The following EDA variants were observed in gnomAD, a reference collection of about 807,000 sequenced individuals.
The protein encoded by EDA is ectodysplasin-A.
In EDA, 2 loss-of-function variants were observed where a neutral mutation model predicts 23.6. That is an observed-to-expected ratio of 0.08 (90% CI 0.03 to 0.27). The LOEUF is 0.27. Ranked by LOEUF, EDA falls within the 10% of genes least tolerant of loss-of-function variation. The pLI, the probability that EDA is intolerant of heterozygous loss-of-function variation, is 1.00. For missense variants in EDA, 229 were observed against 324.2 expected (o/e 0.71, Z 2.26); for synonymous variants, 131 against 132.0 (o/e 0.99, Z 0.05).
At chrX:69,681,033 T>C (rs1000857891) in intron 1 of EDA, among the ~76,000 whole-genome samples, 3 of 109,782 alleles carry the variant, frequency 2.7e-5, no homozygotes, top group Non-Finnish European at 5.7e-5. Context: ...ACAAAATCTC[T>C]CAGCATTTGC....
intron 2 of EDA, among the ~76,000 whole-genome samples, chrX:69,987,300 ATTTTTTT>A (rs1276715288): frequency 2.4e-5 from 2 of 83,015 alleles, no homozygotes; most frequent in African/African-American, 1.1e-4. Flanking sequence ...AAAAAAAAAA[ATTTTTTT>A]TTTTAAAAAT....
intron 1 of EDA, among the ~76,000 whole-genome samples, chrX:69,748,563 A>T (rs2804374): frequency 0.31 from 33,791 of 110,667 alleles, 4,886 homozygotes; most frequent in Middle Eastern, 0.56. Context: ...TTTTAAAAAA[A>T]GAAAAAAGAA....
At chrX:69,782,045 G>A (rs1319609616) in intron 1 of EDA, among the ~76,000 whole-genome samples, 1 of 109,629 alleles carries the variant, frequency 9.1e-6, no homozygotes, top group African/African-American at 3.3e-5. Context: ...GGAGGATACG[G>A]CAGGTGCTAA....
intron 1 of EDA, among the ~76,000 whole-genome samples, chrX:69,771,120 G>A (rs1245682372): frequency 2.7e-5 from 3 of 110,533 alleles, no homozygotes; most frequent in Admixed American, 9.7e-5. Context: ...GCAGCAGCAC[G>A]ATCTCAGCTC....
chrX:69,707,487 A>G (rs2011775098), intron 1 of EDA, among the ~76,000 whole-genome samples: 1 of 111,881 alleles, frequency 8.9e-6, no homozygotes, highest in African/African-American at 3.2e-5. Context: ...ATAAAGTCAG[A>G]CATCTCAGAG....
chrX:69,703,189 A>G (rs1485551009), intron 1 of EDA, among the ~76,000 whole-genome samples: 1 of 111,738 alleles, frequency 8.9e-6, no homozygotes, highest in East Asian at 2.8e-4. Flanking sequence ...CCTGGCACAC[A>G]CCGGAACCTT....
intron 1 of EDA, among the ~76,000 whole-genome samples, chrX:69,727,484 C>T (rs1044347968): frequency 8.9e-6 from 1 of 112,281 alleles, no homozygotes; most frequent in Non-Finnish European, 1.9e-5. Context: ...GCTGTGTTCT[C>T]ACATGGCAGA....
chrX:69,785,670 T>C lies in EDA; in HGVS notation c.396+168966T>C, dbSNP rs2015136784. Reference sequence around the variant, plus strand: ...ACTTGATCATGGTGGATAAGCTTTTTGATGTGCTGCTGAATTCGATTTGCC... The same window carrying C: ...ACTTGATCATGGTGGATAAGCTTTTCGATGTGCTGCTGAATTCGATTTGCC... On this transcript the variant is annotated intron_variant, in intron 1 of 7. Transcript: ENST00000374552. Among the ~76,000 whole-genome samples, 3 of 109,455 alleles carry C rather than the reference T, an allele frequency of 2.7e-5. No individual in the cohort carries two copies. The Admixed American group carries it at 2.9e-4, about 11-fold the overall frequency.
In EDA at chrX:69,945,030, T is replaced by C. The variant is rs144532351; in HGVS notation, c.397-11997T>C. Among the ~76,000 whole-genome samples the C allele has an allele frequency of 4.9e-3, 554 of 112,342 alleles. 1 individual carries two copies. Among genetic ancestry groups the C allele is most frequent in the African/African-American group, 0.017 (524 of 30,937 alleles). On this transcript the variant is annotated intron_variant, in intron 1 of 7. Transcript: ENST00000374552. ...AAGTGCAGATTCTCTCTGTGCCACA[T>C]GGCCACTGTTGGGGGATGGGTGAGA...
rs749792310 is a variant in EDA at position 69,636,693 on chromosome X, A to G, written c.396+19989A>G. Among the ~76,000 whole-genome samples the G allele has an allele frequency of 5.9e-5, 6 of 101,108 alleles. No homozygotes were observed. In the East Asian group the frequency reaches 1.9e-3, roughly 32 times the overall value. The allele number at this position is 101,108 out of a possible 115,157, so 87.8% of individuals were successfully genotyped here. On this transcript the variant is annotated intron_variant, in intron 1 of 7. Coordinates refer to ENST00000374552, the MANE Select transcript of EDA (RefSeq NM_001399.5). ...GGAAAGAATTAGAATGTGATACTTT[A>G]TTATAAATCCCTAGGCAGAATACGT...
chrX:69,904,429 C>T (rs1412601569), intron 1 of EDA, among the ~76,000 whole-genome samples: 1 of 110,012 alleles, frequency 9.1e-6, no homozygotes, highest in Admixed American at 9.7e-5. Flanking sequence ...TGGCTCACTG[C>T]AGCCTTGAAC....
intron 1 of EDA, among the ~76,000 whole-genome samples, chrX:69,894,873 C>G (rs1009468782): frequency 1.8e-5 from 2 of 111,674 alleles, no homozygotes; most frequent in African/African-American, 6.5e-5. Flanking sequence ...TTGACTTCCT[C>G]TCTTCCTATT....
chrX:70,020,420 G>A (rs5980679), intron 2 of EDA, among the ~76,000 whole-genome samples: 34,970 of 109,696 alleles, frequency 0.32, 4,702 homozygotes, highest in African/African-American at 0.52. Context: ...TTAGCCGGGC[G>A]TGGTGGCGGG....
chrX:69,783,753 CGT>C (rs1186200115), intron 1 of EDA, among the ~76,000 whole-genome samples: 1 of 109,637 alleles, frequency 9.1e-6, no homozygotes. Flanking sequence ...AATAAACATA[CGT>C]GTGCATGTGT....
chrX:69,905,668 A>G (rs2018166846), intron 1 of EDA, among the ~76,000 whole-genome samples: 2 of 111,656 alleles, frequency 1.8e-5, no homozygotes, highest in Admixed American at 1.9e-4. Context: ...AATATAAACT[A>G]TGGTAGTTAG....
chrX:69,846,148 GT>G (rs1225313867), intron 1 of EDA, among the ~76,000 whole-genome samples: 2 of 112,392 alleles, frequency 1.8e-5, no homozygotes, highest in East Asian at 2.8e-4. Flanking sequence ...ACATGGTCTG[GT>G]TTACTAGTGG....
At chrX:70,006,482 C>T in intron 2 of EDA, among the ~76,000 whole-genome samples, 1 of 112,109 alleles carries the variant, frequency 8.9e-6, no homozygotes, top group Non-Finnish European at 1.9e-5. Flanking sequence ...TGGTGTTGAG[C>T]ATATTTTTCT....
At chrX:69,821,009 G>C (rs1235053536) in intron 1 of EDA, among the ~76,000 whole-genome samples, 2 of 111,040 alleles carry the variant, frequency 1.8e-5, no homozygotes, top group Non-Finnish European at 3.8e-5. Context: ...TTGATAGACT[G>C]GATAAAGAAA....
In EDA at chrX:69,645,584, T is replaced by TTTTATATA. The variant is rs1555976075; in HGVS notation, c.396+28881_396+28882insTTATATAT. 2.9e-4 allele frequency among the ~76,000 whole-genome samples: 16 copies of TTTTATATA among 54,360 alleles called. 2 individuals are homozygous for TTTTATATA. The highest frequency in any genetic ancestry group is 1.5e-3 in the African/African-American group (14 of 9,278). 47.2% of individuals were successfully genotyped at this position (54,360 alleles called of 115,157 possible). A position where few individuals can be genotyped will look rare whatever the true frequency, so the allele number is the denominator to read the frequency against. ...GGTTGCTCTTAGTTCTCTAGTTCTT[T>TTTTATATA]TATATATATGTGTGTGTGTATATAT... On this transcript the variant is annotated intron_variant, in intron 1 of 7. Coordinates refer to ENST00000374552, the MANE Select transcript of EDA (RefSeq NM_001399.5).
Sources: gnomAD v4.1 joint callset for allele counts (sites outside exome capture counted in the v4.1 genomes callset) on GRCh38, gnomAD v4.1.1 for gene constraint, MANE v1.5 for transcripts, NCBI Gene and HGNC (gene_info 2026-07-23, HGNC 2026-07-21) for gene names.